The following ABLIM1 variants were observed in gnomAD, a reference collection of about 807,000 sequenced individuals.
ABLIM1 encodes the protein actin-binding LIM protein 1.
ABLIM1 carries 40 observed loss-of-function variants against 107.0 expected under a neutral mutation model. That is an observed-to-expected ratio of 0.37 (90% CI 0.29 to 0.49). ABLIM1 has a LOEUF of 0.49. Among genes scored for constraint, ABLIM1 ranks in the 20% least tolerant of loss-of-function variants. The probability of loss-of-function intolerance (pLI) is 0.97; values close to 1 mark genes in which losing one functional copy is unlikely to be tolerated. For missense variants in ABLIM1, 857 were observed against 1,008.5 expected (o/e 0.85, Z 2.04); for synonymous variants, 357 against 357.3 (o/e 1.00, Z 0.01).
intron 1 of ABLIM1, among the ~76,000 whole-genome samples, chr10:114,656,596 G>A (rs909361587): frequency 9.9e-5 from 15 of 150,776 alleles, no homozygotes; most frequent in South Asian, 6.3e-4. Context: ...CATCTGACAC[G>A]AAAAAAGAAA....
intron 1 of ABLIM1, among the ~76,000 whole-genome samples, chr10:114,675,851 T>G (rs1467252018): frequency 6.6e-6 from 1 of 152,214 alleles, no homozygotes; most frequent in African/African-American, 2.4e-5. Flanking sequence ...TCTGCTACTC[T>G]CTGGTAGGTT....
intron 1 of ABLIM1, among the ~76,000 whole-genome samples, chr10:114,639,296 C>A (rs773662868): frequency 1.3e-5 from 2 of 152,132 alleles, no homozygotes; most frequent in Non-Finnish European, 2.9e-5. Flanking sequence ...CAACCCACAC[C>A]CTGGTTTGTG....
intron 1 of ABLIM1, among the ~76,000 whole-genome samples, chr10:114,704,298 CTCTCTATA>C (rs1395179007): frequency 0.017 from 479 of 28,652 alleles, no homozygotes; most frequent in African/African-American, 0.058. Context: ...CTCTCTCTCT[CTCTCTATA>C]TATATATATA....
chr10:114,730,442 G>A (rs973369120), intron 1 of ABLIM1, among the ~76,000 whole-genome samples: 6 of 149,942 alleles, frequency 4.0e-5, no homozygotes, highest in Non-Finnish European at 5.9e-5. Context: ...GAGAAGGGCT[G>A]AGTAAGCACT....
chr10:114,436,405 G>C (rs1396169686), intron 22 of ABLIM1, 32 bp from the exon 23 acceptor site: 3 of 1,510,640 alleles, frequency 2.0e-6, no homozygotes, highest in African/African-American at 1.4e-5. Context: ...AAGAGCTGCT[G>C]TCAGTCCTGA....
At chr10:114,517,153 T>A (rs1303228128) in intron 6 of ABLIM1, among the ~76,000 whole-genome samples, 1 of 152,182 alleles carries the variant, frequency 6.6e-6, no homozygotes, top group East Asian at 1.9e-4. Flanking sequence ...AGTTGAACTG[T>A]GGTCCCCCAA....
At chr10:114,515,682 C>T (rs532062809) in intron 6 of ABLIM1, among the ~76,000 whole-genome samples, 33 of 152,296 alleles carry the variant, frequency 2.2e-4, no homozygotes, top group African/African-American at 7.9e-4. Flanking sequence ...AGGGTTGTTG[C>T]AGATGTTAAT....
the ABLIM1 span, among the ~76,000 whole-genome samples, chr10:114,787,345 C>A: frequency 6.6e-6 from 1 of 151,580 alleles, no homozygotes; most frequent in Admixed American, 6.6e-5. Flanking sequence ...CCGGCAGCCA[C>A]CCCGTCTGGG....
At chr10:114,690,217 T>C in intron 1 of ABLIM1, 1 of 1,439,618 alleles carries the variant, frequency 6.9e-7, no homozygotes, top group Non-Finnish European at 9.7e-7. Flanking sequence ...AAGCGCCCCG[T>C]GGCCTCCACA....
chr10:114,588,860 C>T (rs957337569), intron 2 of ABLIM1, among the ~76,000 whole-genome samples: 8 of 152,018 alleles, frequency 5.3e-5, no homozygotes, highest in Non-Finnish European at 2.9e-5. Context: ...CCCCCTCCAT[C>T]ACCCCACTAC....
chr10:114,702,727 G>A (rs1015495705), intron 1 of ABLIM1, among the ~76,000 whole-genome samples: 14 of 151,872 alleles, frequency 9.2e-5, no homozygotes, highest in South Asian at 4.2e-4. Context: ...GGGTTTCACC[G>A]TAGTCTCGAT....
rs2081441822 is a variant in ABLIM1 at position 114,707,193 on chromosome 10, G to A, written c.-213+60868C>T. ...GACTACCATACATACAGTGCAATTA[G>A]AGACCATCATATCCCAAAGTTCTCC... On this transcript the variant is annotated intron_variant, in intron 1 of 15. Transcript: ENST00000651092. The surrounding 1 kb of genome is among the most constrained non-coding windows in gnomAD (Gnocchi z 4.1). Among the ~76,000 whole-genome samples, 2 of 152,116 alleles carry A rather than the reference G, an allele frequency of 1.3e-5. No individual in the cohort carries two copies. Among genetic ancestry groups the A allele is most frequent in the Admixed American group, 1.3e-4 (2 of 15,264 alleles).
At chr10:114,641,482 C>A (rs2497686) in intron 1 of ABLIM1, among the ~76,000 whole-genome samples, 107,944 of 152,008 alleles carry the variant, frequency 0.71, 38,434 homozygotes, top group African/African-American at 0.78. Context: ...ACATAATAAA[C>A]TACATGAGTA....
At chr10:114,515,551 G>A (rs2062678777) in intron 6 of ABLIM1, among the ~76,000 whole-genome samples, 2 of 152,296 alleles carry the variant, frequency 1.3e-5, no homozygotes, top group Admixed American at 6.5e-5. Flanking sequence ...CCCCTCCAGC[G>A]GCTTGGCTAT....
intron 6 of ABLIM1, among the ~76,000 whole-genome samples, chr10:114,524,267 T>G (rs989733734): frequency 6.6e-6 from 1 of 152,214 alleles, no homozygotes; most frequent in Non-Finnish European, 1.5e-5. Context: ...CGCAGCTTCA[T>G]GCATTTTGTA....
chr10:114,609,136 C>G (rs976652963), intron 1 of ABLIM1, among the ~76,000 whole-genome samples: 5 of 152,202 alleles, frequency 3.3e-5, no homozygotes, highest in Non-Finnish European at 7.3e-5. Context: ...AAACAACTAC[C>G]TCTGCTGAGT....
chr10:114,467,774 A>G (rs2065492675), intron 11 of ABLIM1, among the ~76,000 whole-genome samples: 1 of 152,246 alleles, frequency 6.6e-6, no homozygotes, highest in African/African-American at 2.4e-5. Flanking sequence ...CAGACTAAAC[A>G]GAGTAACCTC....
rs746077729 is a variant in ABLIM1, at chr10:114,658,020, G to A, written c.181C>T (p.Leu61=). 3.1e-6 allele frequency: 5 copies of A among 1,614,064 alleles called. No homozygotes were observed. The African/African-American group carries it at 4.0e-5, about 13-fold the overall frequency. ...CAGTAGTCCTTGGGACAGAGATACAGCAAATGAGTGATAGTGGCACGCCTA... is the reference window on the plus strand; with the variant it reads ...CAGTAGTCCTTGGGACAGAGATACAACAAATGAGTGATAGTGGCACGCCTA... The part of the protein sequence containing the change: ...AHRRATITHL[L]YLCPKDYCPR... Residue 61 remains leucine (L), a synonymous_variant, in exon 1 of 23, where the codon CTG becomes TTG. Coordinates refer to ENST00000533213, the MANE Select transcript of ABLIM1 (RefSeq NM_002313.7).
intron 1 of ABLIM1, among the ~76,000 whole-genome samples, chr10:114,736,883 C>T (rs1216338770): frequency 6.6e-6 from 1 of 152,074 alleles, no homozygotes; most frequent in Non-Finnish European, 1.5e-5. Context: ...AACAGACAGG[C>T]TATGATCAGA....
Sources: allele counts gnomAD v4.1 joint callset (sites outside exome capture counted in the v4.1 genomes callset), GRCh38; gene constraint gnomAD v4.1.1; non-coding constraint Gnocchi (gnomAD v3.1); transcripts MANE v1.5; gene names NCBI Gene and HGNC (gene_info 2026-07-23, HGNC 2026-07-21).